TMEFF2: variants seen among roughly 807,000 people sequenced by gnomAD.
TMEFF2 encodes transmembrane protein with EGF like and two follistatin like domains 2.
A neutral mutation model predicts 53.8 loss-of-function variants in TMEFF2; 28 were observed. The observed-to-expected ratio is 0.52, with a 90% confidence interval of 0.39 to 0.71. The LOEUF is 0.71. Ranked by LOEUF, TMEFF2 falls within the 30% of genes least tolerant of loss-of-function variation. The pLI is 0.00. For synonymous variants in TMEFF2, 162 were observed against 166.3 expected, an observed-to-expected ratio of 0.97 and a Z score of 0.20; for missense variants, 353 against 455.2, an observed-to-expected ratio of 0.78 and a Z score of 2.04.
chr2:192,136,306 G>A (rs2105984410), intron 4 of TMEFF2, among the ~76,000 whole-genome samples: 1 of 152,242 alleles, frequency 6.6e-6, no homozygotes, highest in African/African-American at 2.4e-5. Flanking sequence ...AATTGATAAT[G>A]ATAAGACAAG....
At chr2:192,173,264 A>T (rs1311404371) in intron 4 of TMEFF2, among the ~76,000 whole-genome samples, 1 of 151,876 alleles carries the variant, frequency 6.6e-6, no homozygotes, top group East Asian at 1.9e-4. Flanking sequence ...ACAAATATGT[A>T]CAACTATTAT....
chr2:192,073,653 C>T (rs1688343636), intron 4 of TMEFF2, among the ~76,000 whole-genome samples: 1 of 151,830 alleles, frequency 6.6e-6, no homozygotes. Flanking sequence ...ATGATTACTC[C>T]AGAGATCAAA....
intron 5 of TMEFF2, among the ~76,000 whole-genome samples, chr2:191,999,910 CACT>C (rs1574279364): frequency 6.6e-6 from 1 of 151,934 alleles, no homozygotes; most frequent in East Asian, 1.9e-4. Context: ...CCGAGATATA[CACT>C]ACTATTTTTC....
At chr2:192,054,197 G>C (rs1202272983) in intron 5 of TMEFF2, among the ~76,000 whole-genome samples, 2 of 151,194 alleles carry the variant, frequency 1.3e-5, no homozygotes, top group African/African-American at 4.9e-5. Flanking sequence ...TCATAGCCAA[G>C]AGCTAACTGA....
chr2:192,113,671 G>A (rs1444327195), intron 4 of TMEFF2, among the ~76,000 whole-genome samples: 1 of 152,008 alleles, frequency 6.6e-6, no homozygotes, highest in Non-Finnish European at 1.5e-5. Context: ...AAAATGAAAG[G>A]TATTTTTCAA....
intron 3 of TMEFF2, among the ~76,000 whole-genome samples, chr2:192,179,953 G>A (rs982515496): frequency 5.3e-5 from 8 of 151,106 alleles, no homozygotes; most frequent in African/African-American, 1.9e-4. Flanking sequence ...TCCTAATCTC[G>A]GCTATGAAAA....
chr2:192,053,567 G>A (rs1687825071), intron 5 of TMEFF2, among the ~76,000 whole-genome samples: 1 of 152,206 alleles, frequency 6.6e-6, no homozygotes, highest in South Asian at 2.1e-4. Context: ...ATGCAGGATT[G>A]AGGAAATCTG....
At chr2:192,118,258 G>C (rs1689464145) in intron 4 of TMEFF2, among the ~76,000 whole-genome samples, 1 of 152,060 alleles carries the variant, frequency 6.6e-6, no homozygotes, top group South Asian at 2.1e-4. Flanking sequence ...TATGCCAACA[G>C]ATGTGTTTGA....
chr2:191,961,593 C>T (rs1481828078), intron 7 of TMEFF2, among the ~76,000 whole-genome samples: 1 of 152,092 alleles, frequency 6.6e-6, no homozygotes, highest in Admixed American at 6.6e-5. Context: ...GTTCTGTTCT[C>T]CTTATATTTA....
chr2:191,964,968 G>A (rs1373581670), intron 7 of TMEFF2, among the ~76,000 whole-genome samples: 1 of 152,054 alleles, frequency 6.6e-6, no homozygotes, highest in Admixed American at 6.6e-5. Context: ...AGTCTACTGT[G>A]TAGGCTCCCA....
At chr2:192,075,309 A>ATATATATATG (rs1688396601) in intron 4 of TMEFF2, among the ~76,000 whole-genome samples, 1 of 64,796 alleles carries the variant, frequency 1.5e-5, no homozygotes, top group African/African-American at 4.4e-5. Context: ...ATATATATAT[A>ATATATATATG]TATATATATA....
chr2:192,175,375 A>C (rs1231284739), intron 4 of TMEFF2, among the ~76,000 whole-genome samples: 1 of 151,690 alleles, frequency 6.6e-6, no homozygotes, highest in Non-Finnish European at 1.5e-5. Context: ...TATGTATATG[A>C]AGCAAATGTC....
intron 7 of TMEFF2, among the ~76,000 whole-genome samples, chr2:191,986,764 A>G (rs1047998976): frequency 6.6e-6 from 1 of 150,786 alleles, no homozygotes; most frequent in Non-Finnish European, 1.5e-5. Context: ...AGGCTGAGGC[A>G]GGAGAATCAC....
intron 5 of TMEFF2, among the ~76,000 whole-genome samples, chr2:192,003,928 T>TGGGG (rs372342056): frequency 0.043 from 4,979 of 116,536 alleles, 325 homozygotes; most frequent in Non-Finnish European, 0.053. Flanking sequence ...TGTGTGTGTG[T>TGGGG]GGGGGGGGGG....
intron 4 of TMEFF2, among the ~76,000 whole-genome samples, chr2:192,127,587 G>A (rs573948883): frequency 6.6e-6 from 1 of 152,260 alleles, no homozygotes; most frequent in Admixed American, 6.5e-5. Context: ...ACTATGATTT[G>A]GGGCTAACGT....
At chr2:192,148,650 A>G (rs1202975626) in intron 4 of TMEFF2, among the ~76,000 whole-genome samples, 1 of 152,052 alleles carries the variant, frequency 6.6e-6, no homozygotes, top group East Asian at 1.9e-4. Context: ...CAAGTGGCCA[A>G]AGGACACATT....
intron 4 of TMEFF2, among the ~76,000 whole-genome samples, chr2:192,157,232 C>T (rs1690526443): frequency 6.6e-6 from 1 of 152,002 alleles, no homozygotes; most frequent in Non-Finnish European, 1.5e-5. Flanking sequence ...AAAGTGGCAA[C>T]ACAGTATAAA....
intron 7 of TMEFF2, among the ~76,000 whole-genome samples, chr2:191,956,797 C>T (rs1262558771): frequency 6.6e-6 from 1 of 152,172 alleles, no homozygotes; most frequent in South Asian, 2.1e-4. Flanking sequence ...AATACGAAAG[C>T]TTAAAAGTTA....
chr2:191,950,023 C>T lies in TMEFF2; in HGVS notation c.*288G>A. 1 of 1,119,788 alleles carries T rather than the reference C, an allele frequency of 8.9e-7. No homozygotes were observed. The highest frequency in any genetic ancestry group is 1.1e-6 in the Non-Finnish European group (1 of 909,462). 69.4% of individuals were successfully genotyped at this position (1,119,788 alleles called of 1,614,324 possible). ...GCAAATTTAAGAATGCCAATTTTTT[C>T]TCATCACTGAGTATTTATTATATAT... On this transcript the variant is annotated 3_prime_UTR_variant, in exon 10 of 10. Coordinates refer to ENST00000272771, the MANE Select transcript of TMEFF2 (RefSeq NM_016192.4).
Sources: gnomAD v4.1 joint callset for allele counts (sites outside exome capture counted in the v4.1 genomes callset) on GRCh38, gnomAD v4.1.1 for gene constraint, MANE v1.5 for transcripts, NCBI Gene and HGNC (gene_info 2026-07-23, HGNC 2026-07-21) for gene names.